Variants in VPS45 observed in about 807,000 individuals in gnomAD.
VPS45 encodes vacuolar protein sorting 45 homolog, also known as vacuolar protein sorting-associated protein 45.
Under a neutral mutation model 75.9 loss-of-function variants are expected in VPS45, and 35 were observed. The observed-to-expected ratio is 0.46, with a 90% CI of 0.35 to 0.61. VPS45 has a LOEUF of 0.61. Ranked by LOEUF, VPS45 falls within the 20% of genes least tolerant of loss-of-function variation. The probability of loss-of-function intolerance (pLI) is 0.00; values close to 1 mark genes in which losing one functional copy is unlikely to be tolerated. For missense variants in VPS45, 559 were observed against 685.9 expected, an observed-to-expected ratio of 0.81 and a Z score of 2.07; for synonymous variants, 220 against 238.2, an observed-to-expected ratio of 0.92 and a Z score of 0.70.
intron 10 of VPS45, among the ~76,000 whole-genome samples, chr1:150,089,581 C>A (rs1445148876): frequency 6.6e-6 from 1 of 152,032 alleles, no homozygotes; most frequent in African/African-American, 2.4e-5. Context: ...AGGCTGGTCT[C>A]GAACTCCTGA....
chr1:150,110,397 A>AT, intron 13 of VPS45, 99 bp from the exon 14 acceptor site: 1 of 856,714 alleles, frequency 1.2e-6, no homozygotes, highest in Non-Finnish European at 1.6e-6. Flanking sequence ...TGCTTCCTCC[A>AT]CCAAAAAAAA....
At chr1:150,067,741 C>A, upstream of VPS45, 1 of 1,011,664 alleles carries the variant, frequency 9.9e-7, no homozygotes. Context: ...TGCCCGGACT[C>A]CCGGAAGCCG....
chr1:150,129,395 T>A (rs1482369796), intron 14 of VPS45, among the ~76,000 whole-genome samples: 3 of 152,054 alleles, frequency 2.0e-5, no homozygotes, highest in Non-Finnish European at 1.5e-5. Flanking sequence ...AAAAGAAATT[T>A]AAAAAAGAAA....
intron 14 of VPS45, among the ~76,000 whole-genome samples, chr1:150,122,774 G>A (rs1658303741): frequency 2.0e-5 from 3 of 151,916 alleles, no homozygotes; most frequent in South Asian, 4.2e-4. Flanking sequence ...TGAGGCGGGT[G>A]GATCACCTGA....
intron 14 of VPS45, among the ~76,000 whole-genome samples, chr1:150,139,849 G>A (rs1390766039): frequency 6.6e-6 from 1 of 152,130 alleles, no homozygotes; most frequent in Non-Finnish European, 1.5e-5. Flanking sequence ...ATAGGCGTGA[G>A]CCACCATGGG....
chr1:150,106,854 A>G (rs1175760788), intron 13 of VPS45, among the ~76,000 whole-genome samples: 1 of 152,146 alleles, frequency 6.6e-6, no homozygotes, highest in Non-Finnish European at 1.5e-5. Flanking sequence ...TCTTCAATCC[A>G]TGTAGCCTGG....
chr1:150,110,476 C>A lies in VPS45; in HGVS notation c.1494-20C>A. The A allele has an allele frequency of 1.3e-6, 2 of 1,590,306 alleles. No individual in the cohort carries two copies. Among genetic ancestry groups the A allele is most frequent in the Non-Finnish European group, 1.7e-6 (2 of 1,166,076 alleles). On this transcript the variant is annotated intron_variant, in intron 13 of 14. Coordinates refer to ENST00000644510, the MANE Select transcript of VPS45 (RefSeq NM_007259.5). ...TTTTTTTCTTATCCTGTGATAATAT[C>A]TCATTCTTCATTATTGCAGACCTCA...
At chr1:150,088,676 A>G (rs1022300032) in intron 10 of VPS45, among the ~76,000 whole-genome samples, 1 of 151,582 alleles carries the variant, frequency 6.6e-6, no homozygotes, top group African/African-American at 2.4e-5. Flanking sequence ...ACAGAATTTC[A>G]CCATGTTGTC....
In VPS45 at chr1:150,110,562, C is replaced by A; in HGVS notation, c.1560C>A (p.Asn520Lys). ...ATGAAGAGGCTCTAACAGTTTATAA[C>A]CTGAACCGCACCACTCCTGGAGTGA... ...ATYEEALTVY[N>K]LNRTTPGVRI... The change falls in exon 14 of 15, where the codon AAC (asparagine) becomes AAA (lysine). Residue 520 changes from asparagine to lysine, a missense_variant. Physicochemically the swap from Asn to Lys is moderately conservative, Grantham distance 94. Transcript: ENST00000644510. 1 of 1,613,756 alleles carries A rather than the reference C, an allele frequency of 6.2e-7. No individual in the cohort carries two copies. The highest frequency in any genetic ancestry group is 8.5e-7 in the Non-Finnish European group (1 of 1,179,854).
intron 2 of VPS45, among the ~76,000 whole-genome samples, chr1:150,071,858 G>A (rs907831567): frequency 2.6e-5 from 4 of 151,426 alleles, no homozygotes; most frequent in Admixed American, 2.6e-4. Flanking sequence ...TGAGTTTGCA[G>A]AATTATAATC....
chr1:150,075,017 G>A (rs1236733404), intron 3 of VPS45, among the ~76,000 whole-genome samples: 4 of 116,002 alleles, frequency 3.4e-5, no homozygotes, highest in Admixed American at 1.1e-4. Flanking sequence ...ACAGAGTGCA[G>A]TGGCATGATC....
At position 150,081,224 on chromosome 1, in the gene VPS45, G is replaced by C. The variant is rs587756878; in HGVS notation, c.688-118G>C. 9.6e-5 allele frequency: 97 copies of C among 1,010,154 alleles called. 1 individual carries two copies. The East Asian group carries it at 2.8e-3, about 29-fold the overall frequency. The allele number at this position is 1,010,154 out of a possible 1,614,324, so 62.6% of individuals were successfully genotyped here. On this transcript the variant is annotated intron_variant, in intron 7 of 14. Coordinates refer to ENST00000644510, the MANE Select transcript of VPS45 (RefSeq NM_007259.5). ...AAAGTATGAATAAAATTTAACTCGA[G>C]AATCTTCATGTAAAGAAGACTAGTT...
At chr1:150,129,422 A>G (rs1049493950) in intron 14 of VPS45, among the ~76,000 whole-genome samples, 2 of 152,220 alleles carry the variant, frequency 1.3e-5, no homozygotes, top group Non-Finnish European at 2.9e-5. Flanking sequence ...TTTTCATTAC[A>G]AAATCAATAT....
intron 12 of VPS45, among the ~76,000 whole-genome samples, chr1:150,092,766 T>A (rs75174011): frequency 0.027 from 4,062 of 150,110 alleles, 162 homozygotes; most frequent in African/African-American, 0.095. Flanking sequence ...TGAAGCAAAC[T>A]TTTGATCTTT....
intron 10 of VPS45, among the ~76,000 whole-genome samples, chr1:150,088,434 A>AATATAT (rs200780573): frequency 0.11 from 14,274 of 125,082 alleles, 1,002 homozygotes; most frequent in Non-Finnish European, 0.15. Flanking sequence ...CTGAATAATA[A>AATATAT]ATATATATAT....
intron 14 of VPS45, among the ~76,000 whole-genome samples, chr1:150,126,830 A>G (rs1033957118): frequency 2.0e-5 from 3 of 152,180 alleles, no homozygotes; most frequent in Non-Finnish European, 4.4e-5. Flanking sequence ...GCCAGGCATC[A>G]TGGTACGCAC....
intron 14 of VPS45, among the ~76,000 whole-genome samples, chr1:150,124,999 G>T (rs1374238043): frequency 2.6e-5 from 4 of 151,610 alleles, no homozygotes; most frequent in Admixed American, 2.6e-4. Flanking sequence ...CAATCTTAAT[G>T]GCTATATAAT....
intron 8 of VPS45, 51 bp from the exon 9 acceptor site, chr1:150,081,833 C>T (rs1553799452): frequency 8.7e-7 from 1 of 1,150,454 alleles, no homozygotes; most frequent in Non-Finnish European, 1.3e-6. Context: ...TTCAAGTTGT[C>T]TGAAAGTCAG....
At chr1:150,073,743 C>T (rs782311873) in intron 3 of VPS45, among the ~76,000 whole-genome samples, 3 of 152,016 alleles carry the variant, frequency 2.0e-5, no homozygotes, top group Non-Finnish European at 2.9e-5. Context: ...ATATCACAAC[C>T]AAGATGTTAA....
Sources: gnomAD v4.1 joint callset for allele counts (sites outside exome capture counted in the v4.1 genomes callset) on GRCh38, gnomAD v4.1.1 for gene constraint, MANE v1.5 for transcripts, NCBI Gene and HGNC (gene_info 2026-07-23, HGNC 2026-07-21) for gene names.